SEMA5A: variants seen among roughly 807,000 people sequenced by gnomAD.
The protein encoded by SEMA5A is semaphorin 5A, also known as semaphorin-5A.
SEMA5A carries 55 observed loss-of-function variants against 135.5 expected under a neutral mutation model. The observed-to-expected ratio is 0.41, with a 90% CI of 0.33 to 0.51. The LOEUF is 0.51. SEMA5A is among the 20% of genes least tolerant of loss of function. The pLI, the probability that SEMA5A is intolerant of heterozygous loss-of-function variation, is 0.37. For synonymous variants in SEMA5A, 580 were observed against 546.5 expected (o/e 1.06, Z -0.85); for missense variants, 1,290 against 1,419.9 (o/e 0.91, Z 1.47).
At chr5:9,479,795 C>A (rs775123696) in intron 1 of SEMA5A, among the ~76,000 whole-genome samples, 24 of 152,164 alleles carry the variant, frequency 1.6e-4, no homozygotes, top group Admixed American at 2.6e-4. Context: ...GGCAGGTACT[C>A]CGGAGATGGC....
At chr5:9,078,633 G>GA (rs1472032470) in intron 16 of SEMA5A, among the ~76,000 whole-genome samples, 1 of 150,324 alleles carries the variant, frequency 6.7e-6, no homozygotes, top group Non-Finnish European at 1.5e-5. Context: ...GCAACAATAA[G>GA]AAAAACAAAA....
Position 9,122,672 on chromosome 5 carries a change from T to C in SEMA5A, c.1765A>G (p.Ile589Val). 6.2e-7 allele frequency: 1 copy of C among 1,602,180 alleles called. No homozygotes were observed. The highest frequency in any genetic ancestry group is 1.1e-5 in the South Asian group (1 of 89,830). ...GCGGCACACCTGGAACAGTTGGCGA[T>C]CTCCATGCCAGGGCCCTCGCACTGC... is the stretch of plus-strand genomic sequence containing the variant. The part of the protein sequence containing the change: ...GWQCEGPGME[I>V]ANCSRNGGWT... The change falls in exon 14 of 23, where the codon ATC becomes GTC. Residue 589 changes from isoleucine to valine, a missense_variant. Ile to Val is a conservative substitution (Grantham distance 29, BLOSUM62 3). Coordinates refer to ENST00000382496, the MANE Select transcript of SEMA5A (RefSeq NM_003966.3).
At chr5:9,106,173 A>G (rs1739903779) in intron 16 of SEMA5A, among the ~76,000 whole-genome samples, 1 of 152,252 alleles carries the variant, frequency 6.6e-6, no homozygotes, top group Non-Finnish European at 1.5e-5. Context: ...GTACAAACAA[A>G]AAGAAAAACA....
At chr5:9,257,707 A>G (rs1295887390) in intron 5 of SEMA5A, among the ~76,000 whole-genome samples, 1 of 152,106 alleles carries the variant, frequency 6.6e-6, no homozygotes, top group Non-Finnish European at 1.5e-5. Context: ...AGGCACCACT[A>G]GTGGTTCAGA....
rs1016016672 is a variant in SEMA5A at position 9,054,028 on chromosome 5, C to A, written c.2689+59G>T. ...CAGTATCATCAATTACACCATTTAT[C>A]CATTAAGGAAAGAGGCCAATTTGTC... On this transcript the variant is annotated intron_variant, in intron 19 of 22. Transcript: ENST00000382496. 22 of 1,528,676 alleles carry A rather than the reference C, an allele frequency of 1.4e-5. No homozygotes were observed. The South Asian group carries it at 2.7e-4, about 19-fold the overall frequency. 94.7% of individuals were successfully genotyped at this position (1,528,676 alleles called of 1,614,324 possible). A position where few individuals can be genotyped will look rare whatever the true frequency, so the allele number is the denominator to read the frequency against.
intron 1 of SEMA5A, among the ~76,000 whole-genome samples, chr5:9,540,424 C>T (rs1002558843): frequency 6.0e-5 from 4 of 66,990 alleles, no homozygotes; most frequent in African/African-American, 2.2e-4. Context: ...CCCGTCTCTA[C>T]TAAAAATTCA....
At chr5:9,230,609 G>A (rs765561741) in intron 6 of SEMA5A, among the ~76,000 whole-genome samples, 7 of 152,158 alleles carry the variant, frequency 4.6e-5, no homozygotes, top group East Asian at 1.9e-4. Context: ...TTCGCAGAAC[G>A]GAGTGAGTGT....
chr5:9,355,175 T>C (rs13183351), intron 3 of SEMA5A, among the ~76,000 whole-genome samples: 99,678 of 151,994 alleles, frequency 0.66, 33,718 homozygotes, highest in South Asian at 0.76. Context: ...TGGGTTCCAC[T>C]AAGACAATAT....
chr5:9,180,210 C>T (rs2150324763), intron 11 of SEMA5A, among the ~76,000 whole-genome samples: 1 of 152,244 alleles, frequency 6.6e-6, no homozygotes, highest in South Asian at 2.1e-4. Context: ...TGCTCAAAGG[C>T]CCTATTTCCA....
At position 9,056,092 on chromosome 5, in the gene SEMA5A, C is replaced by A. The variant is rs753218941; in HGVS notation, c.2519-1835G>T. ...TAAATGCGCACAAGGCAGCTCAGGG[C>A]TCAGAAGGGTCTAATGTGTGCCCTA... On this transcript the variant is annotated intron_variant, in intron 18 of 22. Coordinates refer to ENST00000382496, the MANE Select transcript of SEMA5A (RefSeq NM_003966.3). Among the ~76,000 whole-genome samples, 12 of 152,260 alleles carry A rather than the reference C, an allele frequency of 7.9e-5. 1 individual carries two copies. In the South Asian group the frequency reaches 1.9e-3, roughly 24 times the overall value.
intron 3 of SEMA5A, among the ~76,000 whole-genome samples, chr5:9,348,036 T>C (rs1753953455): frequency 6.6e-6 from 1 of 152,214 alleles, no homozygotes; most frequent in African/African-American, 2.4e-5. Flanking sequence ...AGGATCTAAA[T>C]GCCAGTGTTA....
chr5:9,263,038 T>C (rs1255917841), intron 5 of SEMA5A, among the ~76,000 whole-genome samples: 1 of 139,482 alleles, frequency 7.2e-6, no homozygotes, highest in African/African-American at 2.8e-5. Flanking sequence ...ATTCTGTCAA[T>C]AGAAAAAAAA....
chr5:9,197,728 T>TTGTA (rs778921009), intron 9 of SEMA5A, among the ~76,000 whole-genome samples: 46 of 59,300 alleles, frequency 7.8e-4, no homozygotes, highest in East Asian at 4.9e-3. Context: ...GGAAAGCTGT[T>TTGTA]TGTGTGTGTG....
intron 5 of SEMA5A, among the ~76,000 whole-genome samples, chr5:9,270,346 G>A (rs1749907210): frequency 6.6e-6 from 1 of 151,938 alleles, no homozygotes; most frequent in Non-Finnish European, 1.5e-5. Flanking sequence ...ATAAATCACA[G>A]CCATGCATGA....
intron 5 of SEMA5A, among the ~76,000 whole-genome samples, chr5:9,297,970 T>G (rs1399550527): frequency 6.6e-6 from 1 of 151,712 alleles, no homozygotes; most frequent in African/African-American, 2.4e-5. Context: ...ACACATAGAG[T>G]TAAAGAATAT....
At chr5:9,181,387 C>T (rs575560824) in intron 11 of SEMA5A, among the ~76,000 whole-genome samples, 9 of 152,178 alleles carry the variant, frequency 5.9e-5, no homozygotes, top group Non-Finnish European at 1.0e-4. Context: ...AGTATTAATA[C>T]CCTTCAAAAG....
At chr5:9,199,471 G>A (rs1010386172) in intron 9 of SEMA5A, among the ~76,000 whole-genome samples, 24 of 152,246 alleles carry the variant, frequency 1.6e-4, no homozygotes, top group African/African-American at 4.8e-4. Context: ...ATATTCACTC[G>A]CTTCTTCAGG....
intron 5 of SEMA5A, among the ~76,000 whole-genome samples, chr5:9,311,426 A>G (rs1579323610): frequency 1.3e-5 from 2 of 152,200 alleles, no homozygotes; most frequent in East Asian, 3.9e-4. Context: ...AAAAATGATG[A>G]GTTTATGTCC....
chr5:9,164,369 T>C (rs1413288285), intron 11 of SEMA5A, among the ~76,000 whole-genome samples: 1 of 148,674 alleles, frequency 6.7e-6, no homozygotes, highest in Non-Finnish European at 1.5e-5. Context: ...AGATAAACTG[T>C]TAAGCGCAAT....
Sources: gnomAD v4.1 joint callset for allele counts (sites outside exome capture counted in the v4.1 genomes callset) on GRCh38, gnomAD v4.1.1 for gene constraint, MANE v1.5 for transcripts, NCBI Gene and HGNC (gene_info 2026-07-23, HGNC 2026-07-21) for gene names.